CCL4L2: variants seen among roughly 807,000 people sequenced by gnomAD.
CCL4L2 encodes C-C motif chemokine ligand 4 like 2, also known as C-C motif chemokine 4-like.
Under a neutral mutation model 5.9 loss-of-function variants are expected in CCL4L2, and 3 were observed. That is an observed-to-expected ratio of 0.51 (90% CI 0.23 to 1.32). CCL4L2 has a LOEUF of 1.32. Ranked by LOEUF, CCL4L2 falls within the 40% of genes most tolerant of loss-of-function variation. The pLI is 0.18. For missense variants in CCL4L2, 74 were observed against 121.2 expected, an observed-to-expected ratio of 0.61 and a Z score of 1.83; for synonymous variants, 36 against 47.6, an observed-to-expected ratio of 0.76 and a Z score of 1.00.
At chr17:36,212,001 T>G in intron 2 of CCL4L2, 111 bp downstream of exon 2, 1 of 1,256,978 alleles carries the variant, frequency 8.0e-7, no homozygotes, top group African/African-American at 1.4e-5. Context: ...CTCTCAGGGC[T>G]GAAGCCTTCC....
In CCL4L2 at chr17:36,212,359, A is replaced by T. The variant is rs1203352245; in HGVS notation, c.248A>T (p.His83Leu). ...TGCTGCTCCGGGAAGGATCCCATCCACCAGAGCTGCCCCACATGGACCATG... is the reference window on the plus strand; with the variant it reads ...TGCTGCTCCGGGAAGGATCCCATCCTCCAGAGCTGCCCCACATGGACCATG... Residue 83 changes from histidine (H) to leucine (L), a missense_variant, in exon 3 of 3, where the codon CAC becomes CTC. Physicochemically the swap from His to Leu is moderately conservative, Grantham distance 99 (BLOSUM62 -3). Transcript: ENST00000617405. 48 of 1,226,904 alleles carry T rather than the reference A, an allele frequency of 3.9e-5. 5 individuals carry two copies. The Admixed American group carries it at 5.4e-4, about 14-fold the overall frequency. The allele number at this position is 1,226,904 out of a possible 1,614,324, so 76.0% of individuals were successfully genotyped here.
In CCL4L2 at chr17:36,212,511, G is replaced by A; in HGVS notation, c.*88G>A. 2 of 1,581,454 alleles carry A rather than the reference G, an allele frequency of 1.3e-6. No individual in the cohort carries two copies. The highest frequency in any genetic ancestry group is 1.7e-6 in the Non-Finnish European group (2 of 1,156,566). On this transcript the variant is annotated 3_prime_UTR_variant, in exon 3 of 3. Coordinates refer to ENST00000617405, the MANE Select transcript of CCL4L2 (RefSeq NM_001291475.2). ...CAAACCAAAAGAGGCAAGCAAGTCT[G>A]CGCTGACCCCAGTGAGTCCTGGGTC...
At chr17:36,212,124 G>C (rs2068793512) in intron 2 of CCL4L2, 2 of 706,514 alleles carry the variant, frequency 2.8e-6, no homozygotes, top group Middle Eastern at 2.8e-4. Context: ...AGAGGACAGG[G>C]AAGCAGGGGA....
chr17:36,211,085 T>C lies in CCL4L2; in HGVS notation c.-57T>C. On this transcript the variant is annotated 5_prime_UTR_variant, in exon 1 of 3. Transcript: ENST00000617405. ...ATCAGCACAGGACACAGCTAGGTTC[T>C]GAAGCTTCTGAGTTCTGCAGCCTCA... 1 of 1,555,704 alleles carries C rather than the reference T, an allele frequency of 6.4e-7. No individual in the cohort carries two copies. The highest frequency in any genetic ancestry group is 1.7e-5 in the Admixed American group (1 of 59,080).
chr17:36,211,530 T>C lies in CCL4L2; in HGVS notation c.77-246T>C, dbSNP rs2068775744. The C allele has an allele frequency of 7.3e-6, 5 of 681,044 alleles. 2 individuals are homozygous for C. Among genetic ancestry groups the C allele is most frequent in the Non-Finnish European group, 1.4e-5 (5 of 368,532 alleles). The allele number at this position is 681,044 out of a possible 1,614,324, so 42.2% of individuals were successfully genotyped here. Reference sequence around the variant, plus strand: ...TGCCTTGGTTTCCCCATCTGTCATATGAAGGGAGTGCGATGTGTTCTGAGA... The same window carrying C: ...TGCCTTGGTTTCCCCATCTGTCATACGAAGGGAGTGCGATGTGTTCTGAGA... On this transcript the variant is annotated intron_variant, in intron 1 of 2. Coordinates refer to ENST00000617405, the MANE Select transcript of CCL4L2 (RefSeq NM_001291475.2).
Position 36,211,105 on chromosome 17 carries a change from G to C in CCL4L2, c.-37G>C, listed in dbSNP as rs1426255856. The C allele has an allele frequency of 6.4e-7, 1 of 1,573,826 alleles. No homozygotes were observed. Among genetic ancestry groups the C allele is most frequent in the African/African-American group, 1.3e-5 (1 of 74,706 alleles). On this transcript the variant is annotated 5_prime_UTR_variant, in exon 1 of 3. Transcript: ENST00000617405. Reference sequence around the variant, plus strand: ...GGTTCTGAAGCTTCTGAGTTCTGCAGCCTCACCTCTGAGAAAACCTCTTTG... The same window carrying C: ...GGTTCTGAAGCTTCTGAGTTCTGCACCCTCACCTCTGAGAAAACCTCTTTG...
In CCL4L2 at chr17:36,212,498, G is replaced by T. The variant is rs148800437; in HGVS notation, c.*75G>T. 6.3e-7 allele frequency: 1 copy of T among 1,581,128 alleles called. No individual in the cohort carries two copies. The highest frequency in any genetic ancestry group is 8.6e-7 in the Non-Finnish European group (1 of 1,156,492). ...GTTCTACGGATTCCAAACCAAAAGA[G>T]GCAAGCAAGTCTGCGCTGACCCCAG... is the stretch of plus-strand genomic sequence containing the variant. On this transcript the variant is annotated 3_prime_UTR_variant, in exon 3 of 3. Transcript: ENST00000617405.
In CCL4L2 at chr17:36,211,768, C is replaced by T; in HGVS notation, c.77-8C>T. On this transcript the variant is annotated splice_region_variant and splice_polypyrimidine_tract_variant and intron_variant, in intron 1 of 2. Coordinates refer to ENST00000617405, the MANE Select transcript of CCL4L2 (RefSeq NM_001291475.2). ...CAGTGTTGATCTCACCCTGGCCTTT[C>T]CTTTCAGTGGGCTCAGACCCTCCCA... The T allele has an allele frequency of 1.3e-6, 2 of 1,571,340 alleles. No homozygotes were observed. Among genetic ancestry groups the T allele is most frequent in the Non-Finnish European group, 1.7e-6 (2 of 1,149,812 alleles).
At chr17:36,211,433 G>C in intron 1 of CCL4L2, 2 of 760,578 alleles carry the variant, frequency 2.6e-6, no homozygotes, top group Non-Finnish European at 4.7e-6. Context: ...GGAAAACGAT[G>C]GGCTGGAAGT....
rs1448107292 is a variant in CCL4L2, at chr17:36,211,767, T to C, written c.77-9T>C. The C allele has an allele frequency of 1.6e-3, 2,491 of 1,573,258 alleles. 297 individuals carry two copies. The highest frequency in any genetic ancestry group is 1.9e-3 in the South Asian group (168 of 88,830). On this transcript the variant is annotated splice_polypyrimidine_tract_variant and intron_variant, in intron 1 of 2. Transcript: ENST00000617405. ...GCAGTGTTGATCTCACCCTGGCCTT[T>C]CCTTTCAGTGGGCTCAGACCCTCCC...
At position 36,211,953 on chromosome 17, in the gene CCL4L2, C is replaced by T; in HGVS notation, c.191+63C>T. ...TGAGGGCTGGATTTTTAAAGGGGGC[C>T]TGTTTTGGGGAGGGGGTGATGAGCG... On this transcript the variant is annotated intron_variant, in intron 2 of 2. Transcript: ENST00000617405. 2 of 1,516,278 alleles carry T rather than the reference C, an allele frequency of 1.3e-6. 1 individual carries two copies. The highest frequency in any genetic ancestry group is 1.8e-6 in the Non-Finnish European group (2 of 1,099,156). 93.9% of individuals were successfully genotyped at this position (1,516,278 alleles called of 1,614,324 possible). A position where few individuals can be genotyped will look rare whatever the true frequency, so the allele number is the denominator to read the frequency against.
intron 2 of CCL4L2, chr17:36,212,163 C>T (rs1174492408): frequency 1.1e-5 from 8 of 697,798 alleles, no homozygotes; most frequent in Non-Finnish European, 1.8e-5. Context: ...AGATATGGAC[C>T]AATTCCTTAA....
At chr17:36,211,946 A>C in intron 2 of CCL4L2, 56 bp downstream of exon 2, 3 of 1,525,276 alleles carry the variant, frequency 2.0e-6, no homozygotes, top group Non-Finnish European at 2.7e-6. Context: ...GGATTTTTAA[A>C]GGGGGCCTGT....
rs2068792125 is a variant in CCL4L2, at chr17:36,212,081, G to A, written c.191+191G>A. On this transcript the variant is annotated intron_variant, in intron 2 of 2. Transcript: ENST00000617405. ...CTGAAGGCGGCTGAGTGGCAGCCGA[G>A]ACAGAAGGGGGTTCCTGGGGAGGAA... The A allele has an allele frequency of 5.1e-6, 4 of 787,420 alleles. No individual in the cohort carries two copies. In the African/African-American group the frequency reaches 6.2e-5, roughly 12 times the overall value. The allele number at this position is 787,420 out of a possible 1,614,324, so 48.8% of individuals were successfully genotyped here.
rs879072667 is a variant in CCL4L2, at chr17:36,211,200, T to C, written c.59T>C (p.Leu20Pro). ...GTGCTAGTAGCTGCCTTCTGCTCTC[T>C]AGCACTCTCAGCACCAAGTAAGTCT... is the stretch of plus-strand genomic sequence containing the variant. The change falls in exon 1 of 3, where the codon CTA (leucine) becomes CCA (proline). Residue 20 changes from leucine to proline, a missense_variant. Coordinates refer to ENST00000617405, the MANE Select transcript of CCL4L2 (RefSeq NM_001291475.2). 14 of 1,581,664 alleles carry C rather than the reference T, an allele frequency of 8.9e-6. 2 individuals carry two copies. The highest frequency in any genetic ancestry group is 1.8e-4 in the Middle Eastern group (1 of 5,644).
At position 36,212,779 on chromosome 17, in the gene CCL4L2, G is replaced by T. The variant is rs2068815822; in HGVS notation, c.*356G>T. On this transcript the variant is annotated 3_prime_UTR_variant, in exon 3 of 3. Transcript: ENST00000617405. ...AAGGATAAGTGTCCCCTATGGGGAT[G>T]GTCCACTCTCACTCTTTCTCTGCTG... 1 of 660,240 alleles carries T rather than the reference G, an allele frequency of 1.5e-6. No homozygotes were observed. Among genetic ancestry groups the T allele is most frequent in the African/African-American group, 1.7e-5 (1 of 60,590 alleles). 40.9% of individuals were successfully genotyped at this position (660,240 alleles called of 1,614,324 possible). A position where few individuals can be genotyped will look rare whatever the true frequency, so the allele number is the denominator to read the frequency against.
chr17:36,212,802 C>G lies in CCL4L2; in HGVS notation c.*379C>G. Reference sequence around the variant, plus strand: ...ATGGTCCACTCTCACTCTTTCTCTGCTGTTGCAAATACATGGATAACACCG... The same window carrying G: ...ATGGTCCACTCTCACTCTTTCTCTGGTGTTGCAAATACATGGATAACACCG... On this transcript the variant is annotated 3_prime_UTR_variant, in exon 3 of 3. Transcript: ENST00000617405. 1 of 595,544 alleles carries G rather than the reference C, an allele frequency of 1.7e-6. No homozygotes were observed. Among genetic ancestry groups the G allele is most frequent in the Admixed American group, 3.0e-5 (1 of 33,846 alleles). 36.9% of individuals were successfully genotyped at this position (595,544 alleles called of 1,614,324 possible). A position where few individuals can be genotyped will look rare whatever the true frequency, so the allele number is the denominator to read the frequency against.
rs2068800593 is a variant in CCL4L2, at chr17:36,212,341, CCG to C, written c.231_232del (p.Gly78GlufsTer38). ...CAGGGAGTCTGCTTCCAGTGCTGCT[CCG>C]GGAAGGATCCCATCCACCAGAGCTG... On this transcript the variant is annotated frameshift_variant, in exon 3 of 3. Transcript: ENST00000617405. LOFTEE classifies it low-confidence loss of function (END_TRUNC). 3.7e-6 allele frequency: 4 copies of C among 1,067,094 alleles called. No individual in the cohort carries two copies. Among genetic ancestry groups the C allele is most frequent in the East Asian group, 4.6e-5 (2 of 43,172 alleles). 66.1% of individuals were successfully genotyped at this position (1,067,094 alleles called of 1,614,324 possible).
At position 36,212,536 on chromosome 17, in the gene CCL4L2, C is replaced by T. The variant is rs1271319505; in HGVS notation, c.*113C>T. 35 of 1,581,356 alleles carry T rather than the reference C, an allele frequency of 2.2e-5. 2 individuals carry two copies. The highest frequency in any genetic ancestry group is 2.9e-5 in the Non-Finnish European group (34 of 1,156,512). ...GCGCTGACCCCAGTGAGTCCTGGGT[C>T]CAGGAGTACGTGTATGACCTGGAAC... is the stretch of plus-strand genomic sequence containing the variant. On this transcript the variant is annotated 3_prime_UTR_variant, in exon 3 of 3. Transcript: ENST00000617405.
Sources: allele counts gnomAD v4.1 joint callset, GRCh38; gene constraint gnomAD v4.1.1; transcripts MANE v1.5; gene names NCBI Gene and HGNC (gene_info 2026-07-23, HGNC 2026-07-21).